The following NCAM2 variants were observed in gnomAD, a reference collection of about 807,000 sequenced individuals.
The protein encoded by NCAM2 is N-CAM-2.
A neutral mutation model predicts 98.1 loss-of-function variants in NCAM2; 30 were observed. The ratio of observed to expected loss-of-function variants is 0.31; its 90% CI spans 0.23 to 0.41. NCAM2 has a LOEUF of 0.41. Among genes scored for constraint, NCAM2 ranks in the 10% least tolerant of loss-of-function variants. The probability of loss-of-function intolerance (pLI) is 1.00; values close to 1 mark genes in which losing one functional copy is unlikely to be tolerated. For synonymous variants in NCAM2, 368 were observed against 342.4 expected (o/e 1.07, Z -0.83); for missense variants, 867 against 1,005.8 (o/e 0.86, Z 1.87).
At chr21:21,362,796 T>C (rs1159499474) in intron 8 of NCAM2, among the ~76,000 whole-genome samples, 1 of 152,192 alleles carries the variant, frequency 6.6e-6, no homozygotes, top group Admixed American at 6.6e-5. Flanking sequence ...TGATAGACTA[T>C]TGATTTTTAA....
At position 20,998,509 on chromosome 21, in the gene NCAM2, C is replaced by T. The variant is rs1233721692; in HGVS notation, c.-55C>T. ...CGGCCGGGGCAGCGAAAGGTTCTCT[C>T]TCCAGGGCTGGACTTAATAACTTTG... On this transcript the variant is annotated 5_prime_UTR_variant, in exon 1 of 18. Transcript: ENST00000400546. 6.9e-6 allele frequency: 11 copies of T among 1,586,468 alleles called. No homozygotes were observed. Among genetic ancestry groups the T allele is most frequent in the African/African-American group, 1.3e-5 (1 of 74,200 alleles).
intron 1 of NCAM2, among the ~76,000 whole-genome samples, chr21:21,040,500 T>A (rs1387856458): frequency 6.6e-6 from 1 of 152,058 alleles, no homozygotes; most frequent in Non-Finnish European, 1.5e-5. Context: ...TGATGCAATA[T>A]TCTATAGTAA....
At chr21:21,189,119 A>G (rs1300198278) in intron 1 of NCAM2, among the ~76,000 whole-genome samples, 1 of 152,208 alleles carries the variant, frequency 6.6e-6, no homozygotes, top group Non-Finnish European at 1.5e-5. Flanking sequence ...ACAAATGAGT[A>G]GTAAAGTTCA....
chr21:21,107,792 C>A (rs2066378790), intron 1 of NCAM2, among the ~76,000 whole-genome samples: 1 of 152,026 alleles, frequency 6.6e-6, no homozygotes, highest in Non-Finnish European at 1.5e-5. Context: ...TTTGACACTA[C>A]CCAGTGGATA....
At chr21:21,088,456 A>G (rs1450721518) in intron 1 of NCAM2, among the ~76,000 whole-genome samples, 1 of 152,204 alleles carries the variant, frequency 6.6e-6, no homozygotes, top group Admixed American at 6.5e-5. Context: ...CATTACATCT[A>G]GTGAGAATGA....
chr21:21,267,701 A>G (rs551188240), intron 1 of NCAM2, among the ~76,000 whole-genome samples: 1 of 152,284 alleles, frequency 6.6e-6, no homozygotes, highest in South Asian at 2.1e-4. Context: ...GAGCTCCTCT[A>G]GAGTTAAGAG....
At chr21:21,368,931 C>G (rs1436931589) in intron 8 of NCAM2, among the ~76,000 whole-genome samples, 1 of 151,826 alleles carries the variant, frequency 6.6e-6, no homozygotes. Context: ...GTAAAACACC[C>G]AATAACCTTC....
At chr21:21,167,009 G>T (rs573454110) in intron 1 of NCAM2, among the ~76,000 whole-genome samples, 2 of 152,078 alleles carry the variant, frequency 1.3e-5, no homozygotes, top group East Asian at 1.9e-4. Context: ...CCTTCTCTAA[G>T]TATTGCTTTA....
intron 9 of NCAM2, among the ~76,000 whole-genome samples, chr21:21,396,921 A>T (rs923498997): frequency 2.6e-5 from 4 of 152,144 alleles, no homozygotes; most frequent in African/African-American, 7.2e-5. Context: ...AGTAGGGGGC[A>T]TGTTTCAGTC....
rs547012162 is a variant in NCAM2, at chr21:21,029,810, T to G, written c.55+31192T>G. ...CATGCCCAGCTAATTTTTTGTATTTTTAGTAGAGACGGGGTTTCACCACGT... is the reference window on the plus strand; with the variant it reads ...CATGCCCAGCTAATTTTTTGTATTTGTAGTAGAGACGGGGTTTCACCACGT... On this transcript the variant is annotated intron_variant, in intron 1 of 17. Transcript: ENST00000400546. Among the ~76,000 whole-genome samples the G allele has an allele frequency of 1.6e-3, 237 of 151,990 alleles. 2 individuals are homozygous for G. The highest frequency in any genetic ancestry group is 5.7e-3 in the African/African-American group (236 of 41,460).
rs1444346 is a variant in NCAM2 at position 21,417,356 on chromosome 21, T to C, written c.1384-1117T>C. Among the ~76,000 whole-genome samples the C allele has an allele frequency of 7.4e-3, 1,120 of 152,228 alleles. 15 individuals carry two copies. The highest frequency in any genetic ancestry group is 0.025 in the African/African-American group (1,041 of 41,578). On this transcript the variant is annotated intron_variant, in intron 10 of 17. Coordinates refer to ENST00000400546, the MANE Select transcript of NCAM2 (RefSeq NM_004540.5). ...ATTATGTAAGAGCTGTTACAAATTC[T>C]AAGCTTATTCCTATGATCTGTTTCT...
At chr21:21,292,385 GGCATCTGTA>G in intron 5 of NCAM2, 144 bp downstream of exon 5, 1 of 782,310 alleles carries the variant, frequency 1.3e-6, no homozygotes, top group South Asian at 2.1e-5. Flanking sequence ...TCTTTATTAT[GGCATCTGTA>G]ACATTGTATT....
chr21:21,498,540 G>T, intron 15 of NCAM2, among the ~76,000 whole-genome samples: 1 of 152,086 alleles, frequency 6.6e-6, no homozygotes. Flanking sequence ...TCTGTAAGCA[G>T]TTTTATATAT....
intron 16 of NCAM2, among the ~76,000 whole-genome samples, chr21:21,519,802 C>CTGTT (rs1167914109): frequency 1.3e-5 from 2 of 152,032 alleles, no homozygotes; most frequent in Non-Finnish European, 2.9e-5. Flanking sequence ...ACTGATTTGA[C>CTGTT]TGTTCGGATT....
chr21:21,420,803 C>A (rs1316846717), intron 11 of NCAM2, among the ~76,000 whole-genome samples: 1 of 151,586 alleles, frequency 6.6e-6, no homozygotes, highest in East Asian at 1.9e-4. Flanking sequence ...GAAAAAAAAT[C>A]AAGATAAGTG....
chr21:21,093,997 C>G (rs7278835), intron 1 of NCAM2, among the ~76,000 whole-genome samples: 1 of 151,648 alleles, frequency 6.6e-6, no homozygotes, highest in Non-Finnish European at 1.5e-5. Context: ...TAAGAATTCT[C>G]GTCAAATTGG....
At chr21:21,297,751 A>G (rs1310242230) in intron 5 of NCAM2, among the ~76,000 whole-genome samples, 2 of 151,488 alleles carry the variant, frequency 1.3e-5, no homozygotes, top group Non-Finnish European at 3.0e-5. Flanking sequence ...AAAGGCTCAT[A>G]TAGATGAAAG....
At chr21:21,271,875 C>G (rs544585372) in intron 1 of NCAM2, among the ~76,000 whole-genome samples, 1 of 152,022 alleles carries the variant, frequency 6.6e-6, no homozygotes, top group South Asian at 2.1e-4. Flanking sequence ...AGGGGAACAT[C>G]ACACACCGGG....
At chr21:21,530,096 T>C (rs5021234) in intron 16 of NCAM2, among the ~76,000 whole-genome samples, 1 of 126,600 alleles carries the variant, frequency 7.9e-6, no homozygotes, top group African/African-American at 3.0e-5. Context: ...TAATTTAATT[T>C]AATTATATAT....
Sources: gnomAD v4.1 joint callset for allele counts (sites outside exome capture counted in the v4.1 genomes callset) on GRCh38, gnomAD v4.1.1 for gene constraint, MANE v1.5 for transcripts, NCBI Gene and HGNC (gene_info 2026-07-23, HGNC 2026-07-21) for gene names.